Variants in DVL2 observed in about 807,000 individuals in gnomAD.
DVL2 encodes the protein segment polarity protein dishevelled homolog DVL-2.
Under a neutral mutation model 69.8 loss-of-function variants are expected in DVL2, and 38 were observed. The ratio of observed to expected loss-of-function variants is 0.54; its 90% CI spans 0.42 to 0.71. The LOEUF is 0.71. Ranked by LOEUF, DVL2 falls within the 30% of genes least tolerant of loss-of-function variation. The pLI, the probability that DVL2 is intolerant of heterozygous loss-of-function variation, is 0.00. For synonymous variants in DVL2, 428 were observed against 392.4 expected (o/e 1.09, Z -1.07); for missense variants, 931 against 1,008.1 (o/e 0.92, Z 1.04).
rs777339677 is a variant in DVL2 at position 7,229,308 on chromosome 17, C to T, written c.818-34G>A. 30 of 1,613,118 alleles carry T rather than the reference C, an allele frequency of 1.9e-5. No individual in the cohort carries two copies. In the Admixed American group the frequency reaches 2.2e-4, roughly 12 times the overall value. Reference sequence around the variant, plus strand: ...AGAGGCCATGTGAAAAGAGGAGCCCCTGCCACAGGACGCCCGGAACCCTAG... The same window carrying T: ...AGAGGCCATGTGAAAAGAGGAGCCCTTGCCACAGGACGCCCGGAACCCTAG... On this transcript the variant is annotated intron_variant, in intron 7 of 14. Transcript: ENST00000005340. The surrounding 1 kb of genome is among the most constrained non-coding windows in gnomAD (Gnocchi z 4.4).
chr17:7,234,492 A>T lies in DVL2; in HGVS notation c.-230T>A. 1.8e-6 allele frequency: 1 copy of T among 540,642 alleles called. No individual in the cohort carries two copies. The highest frequency in any genetic ancestry group is 3.2e-6 in the Non-Finnish European group (1 of 313,766). The allele number at this position is 540,642 out of a possible 1,614,324, so 33.5% of individuals were successfully genotyped here. On this transcript the variant is annotated 5_prime_UTR_variant, in exon 1 of 15. Transcript: ENST00000005340. ...CGGCCGCCGCGCGCCACCGCCACCG[A>T]CGCCGCGAGCTTCCTCCAGGTACCC... is the stretch of plus-strand genomic sequence containing the variant.
At chr17:7,230,834 C>A in intron 1 of DVL2, 37 bp from the exon 2 acceptor site, 1 of 1,519,092 alleles carries the variant, frequency 6.6e-7, no homozygotes, top group Non-Finnish European at 9.0e-7. Flanking sequence ...TGAGCTGGAC[C>A]AACCATCCCC....
rs2071443608 is a variant in DVL2, at chr17:7,226,221, C to T, written c.1855G>A (p.Gly619Ser). ...ERAPESKSGS[G>S]SESEPSSRGG... ...CGGCTGGAGGGCTCAGACTCACTGC[C>T]ACTGCCGGACTTGGACTCGGGGGCC... The change falls in exon 15 of 15, where the codon GGC becomes AGC. Residue 619 changes from glycine to serine, a missense_variant. By Grantham distance (56) the Gly-to-Ser change is moderately conservative. Coordinates refer to ENST00000005340, the MANE Select transcript of DVL2 (RefSeq NM_004422.3). 6.2e-7 allele frequency: 1 copy of T among 1,612,366 alleles called. No individual in the cohort carries two copies. Among genetic ancestry groups the T allele is most frequent in the East Asian group, 2.2e-5 (1 of 44,862 alleles).
rs747470105 is a variant in DVL2 at position 7,227,160 on chromosome 17, G to C, written c.1473C>G (p.Thr491=). The change falls in exon 13 of 15, where the codon ACC becomes ACG. Residue 491 remains threonine (T), a synonymous_variant. Coordinates refer to ENST00000005340, the MANE Select transcript of DVL2 (RefSeq NM_004422.3). ...GLLKAGLIRH[T]VNKITFSEQC... ...GCTCAGAGAAGGTGATCTTGTTGAC[G>C]GTGTGTCGGATCAGGCCTGCTTTGA... The C allele has an allele frequency of 3.1e-6, 5 of 1,614,160 alleles. No homozygotes were observed. Among genetic ancestry groups the C allele is most frequent in the Non-Finnish European group, 4.2e-6 (5 of 1,180,018 alleles).
At chr17:7,227,818 C>G in intron 10 of DVL2, 35 bp from the exon 11 acceptor site, 1 of 1,557,340 alleles carries the variant, frequency 6.4e-7, no homozygotes, top group Middle Eastern at 1.7e-4. Context: ...GACCCATTCT[C>G]AGTCCCCAAA....
chr17:7,227,995 A>G lies in DVL2; in HGVS notation c.1084T>C (p.Tyr362His). The change falls in exon 10 of 15, where the codon TAT (tyrosine) becomes CAT (histidine). Residue 362 changes from tyrosine (Y) to histidine (H), a missense_variant. By Grantham distance (83) the Tyr-to-His change is moderately conservative (BLOSUM62 2). Around this residue, in one of 3 missense-constraint regions of DVL2, gnomAD observed 555 missense variants for 588.8 expected, o/e 0.94. Transcript: ENST00000005340. ...AKCWDPSPQA[Y>H]FTLPRNEPIQ... ...CACTCACTTCGGGGGAGAGTGAAAT[A>G]GGCCTGAGGAGAGGGATCCCAGCAC... The G allele has an allele frequency of 6.4e-7, 1 of 1,562,300 alleles. No individual in the cohort carries two copies. Among genetic ancestry groups the G allele is most frequent in the Non-Finnish European group, 8.7e-7 (1 of 1,154,980 alleles).
At position 7,229,885 on chromosome 17, in the gene DVL2, C is replaced by T. The variant is rs146424893; in HGVS notation, c.579G>A (p.Glu193=). 6.2e-4 allele frequency: 993 copies of T among 1,611,070 alleles called. 2 individuals carry two copies. The highest frequency in any genetic ancestry group is 6.1e-4 in the Non-Finnish European group (721 of 1,179,948). The change falls in exon 5 of 15, where the codon GAG becomes GAA. Residue 193 remains glutamate (E), a synonymous_variant. Transcript: ENST00000005340. This position sits in a 1 kb window ranked among gnomAD's most constrained non-coding sequence, Gnocchi z 4.4. ...SRLERHLAGY[E]SSSTLMTSEL... ...CGCTGGTCATGAGGGTAGAGGAGCTCTCGTATCCGGCCAGGTGGCGCTCCA... is the reference window on the plus strand; with the variant it reads ...CGCTGGTCATGAGGGTAGAGGAGCTTTCGTATCCGGCCAGGTGGCGCTCCA...
Position 7,226,101 on chromosome 17 carries a change from G to A in DVL2, c.1975C>T (p.Arg659Ter), listed in dbSNP as rs1597543493. Residue 659 changes from arginine (R) to a stop codon, truncating the protein, a stop_gained, in exon 15 of 15, where the codon CGA becomes TGA. Coordinates refer to ENST00000005340, the MANE Select transcript of DVL2 (RefSeq NM_004422.3). LOFTEE classifies it high-confidence loss of function. ...RGSTGGAPNL[R>*]AHPGLHPYGP... ...TAGGGATGGAGCCCTGGGTGGGCTC[G>A]GAGATTAGGGGCACCCCCAGTTGAG... The A allele has an allele frequency of 1.3e-6, 2 of 1,593,474 alleles. No individual in the cohort carries two copies. Among genetic ancestry groups the A allele is most frequent in the Non-Finnish European group, 1.7e-6 (2 of 1,168,634 alleles).
Position 7,234,313 on chromosome 17 carries a change from G to A in DVL2, c.-51C>T. 1.9e-6 allele frequency: 3 copies of A among 1,568,344 alleles called. No homozygotes were observed. Among genetic ancestry groups the A allele is most frequent in the Non-Finnish European group, 2.6e-6 (3 of 1,156,510 alleles). Reference sequence around the variant, plus strand: ...CCACCGCCCACCCAAAGGGCTAATGGCCCCTGCCGCGCCTGCGCACACCCG... The same window carrying A: ...CCACCGCCCACCCAAAGGGCTAATGACCCCTGCCGCGCCTGCGCACACCCG... On this transcript the variant is annotated 5_prime_UTR_variant, in exon 1 of 15. Coordinates refer to ENST00000005340, the MANE Select transcript of DVL2 (RefSeq NM_004422.3).
At position 7,234,181 on chromosome 17, in the gene DVL2, G is replaced by C. The variant is rs772266124; in HGVS notation, c.82C>G (p.Leu28Val). 1.9e-6 allele frequency: 3 copies of C among 1,614,162 alleles called. No homozygotes were observed. The highest frequency in any genetic ancestry group is 2.2e-5 in the East Asian group (1 of 44,872). ...YHLDEEETPY[L>V]VKIPVPAERI... ...TCGGCGGGGACAGGGATCTTCACCA[G>C]GTAGGGAGTCTCTTCCTCATCCAGG... The change falls in exon 1 of 15, where the codon CTG becomes GTG. Residue 28 changes from leucine to valine, a missense_variant. Physicochemically the swap from Leu to Val is conservative, Grantham distance 32 (BLOSUM62 1). Around this residue, in one of 3 missense-constraint regions of DVL2, gnomAD observed 555 missense variants for 588.8 expected, o/e 0.94. Coordinates refer to ENST00000005340, the MANE Select transcript of DVL2 (RefSeq NM_004422.3).
At chr17:7,232,576 G>A (rs1316110453) in intron 1 of DVL2, among the ~76,000 whole-genome samples, 1 of 152,182 alleles carries the variant, frequency 6.6e-6, no homozygotes, top group East Asian at 1.9e-4. Flanking sequence ...ATTTCATTCT[G>A]TGATTTTCTC....
In DVL2 at chr17:7,229,442, T is replaced by C. The variant is rs917235010; in HGVS notation, c.753A>G (p.Ser251=). The change falls in exon 7 of 15, where the codon TCA becomes TCG. Residue 251 remains serine (S), a synonymous_variant. Transcript: ENST00000005340. The surrounding 1 kb of genome is among the most constrained non-coding windows in gnomAD (Gnocchi z 4.4). ...TGGAATCTGTGACGCTGCTGAAGGA[T>C]GACGTCTGTGGTGGGAAAAGGAGCC... ...KQRPPRLERT[S]SFSSVTDSTM... is the part of the protein sequence containing the mutation. 3 of 1,613,968 alleles carry C rather than the reference T, an allele frequency of 1.9e-6. No homozygotes were observed. The highest frequency in any genetic ancestry group is 1.6e-4 in the Middle Eastern group (1 of 6,084).
Position 7,225,375 on chromosome 17 carries a change from T to C in DVL2, c.*490A>G, listed in dbSNP as rs1378645494. 9.4e-6 allele frequency: 5 copies of C among 530,124 alleles called. No homozygotes were observed. The highest frequency in any genetic ancestry group is 1.7e-5 in the Non-Finnish European group (5 of 294,356). The allele number at this position is 530,124 out of a possible 1,614,324, so 32.8% of individuals were successfully genotyped here. On this transcript the variant is annotated 3_prime_UTR_variant, in exon 15 of 15. Coordinates refer to ENST00000005340, the MANE Select transcript of DVL2 (RefSeq NM_004422.3). ...CTCTATTGCTTTATTTGGTGTTTTA[T>C]ACAAGTGACTAAAATAAATAGAGTA... is the stretch of plus-strand genomic sequence containing the variant.
In DVL2 at chr17:7,227,416, T is replaced by G; in HGVS notation, c.1351A>C (p.Asn451His). The G allele has an allele frequency of 5.0e-6, 8 of 1,614,112 alleles. No individual in the cohort carries two copies. The highest frequency in any genetic ancestry group is 6.8e-6 in the Non-Finnish European group (8 of 1,179,978). The change falls in exon 12 of 15, where the codon AAT becomes CAT. Residue 451 changes from asparagine to histidine, a missense_variant. By Grantham distance (68) the Asn-to-His change is moderately conservative. Coordinates refer to ENST00000005340, the MANE Select transcript of DVL2 (RefSeq NM_004422.3). ...GACCCAGCCATACCCAGAAAGGCAT[T>G]AGGGATGGTGATCTTGAGCCACATG... is the stretch of plus-strand genomic sequence containing the variant. ...DRMWLKITIPNAFLGSDVVDW... is the reference protein window; with the variant it reads ...DRMWLKITIPHAFLGSDVVDW...
chr17:7,232,345 C>T (rs1035065950), intron 1 of DVL2, among the ~76,000 whole-genome samples: 3 of 152,172 alleles, frequency 2.0e-5, no homozygotes, highest in South Asian at 2.1e-4. Context: ...TCAACATAAT[C>T]CATTTGCTGT....
At position 7,230,171 on chromosome 17, in the gene DVL2, TG is replaced by T. The variant is rs778505022; in HGVS notation, c.411-17del. Reference sequence around the variant, plus strand: ...CACATTAGGGCTGGACAGGCAGAGATGGTTTCCAACCCACATCAGGAGAACA... The same window carrying T: ...CACATTAGGGCTGGACAGGCAGAGATGTTTCCAACCCACATCAGGAGAACA... On this transcript the variant is annotated splice_polypyrimidine_tract_variant and intron_variant, in intron 3 of 14. Coordinates refer to ENST00000005340, the MANE Select transcript of DVL2 (RefSeq NM_004422.3). The T allele has an allele frequency of 2.4e-5, 39 of 1,613,136 alleles. No homozygotes were observed. In the East Asian group the frequency reaches 8.7e-4, roughly 36 times the overall value.
In DVL2 at chr17:7,227,765, A is replaced by G. The variant is rs780177279; in HGVS notation, c.1121T>C (p.Ile374Thr). ...TLPRNEPIQP[I>T]DPAAWVSHSA... ...ATGGGACACCCAGGCAGCAGGGTCA[A>G]TTGGCTGGATGGGCTCATCTGGGAC... Residue 374 changes from isoleucine (I) to threonine (T), a missense_variant, in exon 11 of 15, where the codon ATT becomes ACT. By Grantham distance (89) the Ile-to-Thr change is moderately conservative (BLOSUM62 -1). This residue lies in a region of DVL2 where 555 missense variants were observed against 588.8 expected (regional missense o/e 0.94). Coordinates refer to ENST00000005340, the MANE Select transcript of DVL2 (RefSeq NM_004422.3). 3.2e-6 allele frequency: 5 copies of G among 1,582,092 alleles called. No individual in the cohort carries two copies. Among genetic ancestry groups the G allele is most frequent in the Non-Finnish European group, 8.6e-7 (1 of 1,163,814 alleles).
At chr17:7,226,693 C>T in intron 13 of DVL2, 54 bp from the exon 14 acceptor site, 1 of 1,343,050 alleles carries the variant, frequency 7.4e-7, no homozygotes, top group Non-Finnish European at 9.9e-7. Flanking sequence ...GCTAGGGCCC[C>T]AAGACACCGA....
At chr17:7,230,913 G>A in intron 1 of DVL2, 116 bp from the exon 2 acceptor site, 1 of 688,414 alleles carries the variant, frequency 1.5e-6, no homozygotes, top group Non-Finnish European at 2.5e-6. Flanking sequence ...CTCCTGCCCT[G>A]TTCAGGTCTT....
Sources: gnomAD v4.1 joint callset for allele counts (sites outside exome capture counted in the v4.1 genomes callset) on GRCh38, gnomAD v4.1.1 for gene constraint, gnomAD v4.1.1 regional missense constraint, Gnocchi (gnomAD v3.1) non-coding constraint, MANE v1.5 for transcripts, NCBI Gene and HGNC (gene_info 2026-07-23, HGNC 2026-07-21) for gene names.